Variants in SLC6A3 observed in about 807,000 individuals in gnomAD.
SLC6A3 encodes the protein solute carrier family 6 member 3.
A neutral mutation model predicts 70.4 loss-of-function variants in SLC6A3; 19 were observed. The ratio of observed to expected loss-of-function variants is 0.27; its 90% CI spans 0.19 to 0.40. SLC6A3 has a LOEUF of 0.40. Ranked by LOEUF, SLC6A3 falls within the 10% of genes least tolerant of loss-of-function variation. SLC6A3 has a pLI of 1.00. For missense variants in SLC6A3, 613 were observed against 838.5 expected, an observed-to-expected ratio of 0.73 and a Z score of 3.32; for synonymous variants, 368 against 356.6, an observed-to-expected ratio of 1.03 and a Z score of -0.36.
chr5:1,441,548 T>C, intron 2 of SLC6A3, 58 bp from the exon 3 acceptor site: 2 of 1,589,918 alleles, frequency 1.3e-6, no homozygotes, highest in South Asian at 2.2e-5. Context: ...TCTCTCCTCG[T>C]GGGAGCTTGG....
At chr5:1,417,045 T>G (rs1420754008) in intron 6 of SLC6A3, among the ~76,000 whole-genome samples, 2 of 149,770 alleles carry the variant, frequency 1.3e-5, no homozygotes, top group Non-Finnish European at 3.0e-5. Flanking sequence ...TAGCGGGGTC[T>G]CCATCCTCCC....
At chr5:1,445,183 G>A (rs1733771602) in intron 1 of SLC6A3, among the ~76,000 whole-genome samples, 165 bp downstream of exon 1, 1 of 152,172 alleles carries the variant, frequency 6.6e-6, no homozygotes, top group Non-Finnish European at 1.5e-5. Flanking sequence ...GCGCTATCGG[G>A]GGGCGCTCGG....
At chr5:1,426,251 A>G (rs1756573055) in intron 4 of SLC6A3, among the ~76,000 whole-genome samples, 1 of 152,216 alleles carries the variant, frequency 6.6e-6, no homozygotes, top group South Asian at 2.1e-4. Flanking sequence ...AAAGATAAAT[A>G]GATCTGGCCA....
At chr5:1,423,030 A>T (rs147287979) in intron 4 of SLC6A3, among the ~76,000 whole-genome samples, 1 of 36,858 alleles carries the variant, frequency 2.7e-5, no homozygotes. Flanking sequence ...GGTGCTGGGT[A>T]CCCACCACTG....
At chr5:1,412,712 T>TC (rs11564761) in intron 8 of SLC6A3, among the ~76,000 whole-genome samples, 5,929 of 152,204 alleles carry the variant, frequency 0.039, 183 homozygotes, top group Non-Finnish European at 0.06. Flanking sequence ...TGCAACAGAG[T>TC]CCCCTGTCCT....
In SLC6A3 at chr5:1,423,031, C is replaced by A. The variant is rs866974733; in HGVS notation, c.654-1017G>T. 2.1e-4 allele frequency among the ~76,000 whole-genome samples: 17 copies of A among 79,672 alleles called. 5 individuals are homozygous for A. Among genetic ancestry groups the A allele is most frequent in the Middle Eastern group, 0.019 (2 of 106 alleles). 52.3% of individuals were successfully genotyped at this position (79,672 alleles called of 152,430 possible). On this transcript the variant is annotated intron_variant, in intron 4 of 14. Transcript: ENST00000270349. ...CCAGTGCTGCCCAAGGTGCTGGGTA[C>A]CCACCACTGCCCACAGTACTGCCCA... is the stretch of plus-strand genomic sequence containing the variant.
chr5:1,414,595 T>C (rs1330905899), intron 8 of SLC6A3, 96 bp downstream of exon 8: 3 of 1,431,500 alleles, frequency 2.1e-6, no homozygotes, highest in African/African-American at 2.9e-5. Flanking sequence ...TCAGGGCCCA[T>C]GCGTCTCCTT....
Position 1,397,522 on chromosome 5 carries a change from T to C in SLC6A3, c.1840-2764A>G, listed in dbSNP as rs1404621968. ...CCGAGACACCGAAAGCAGAAGAAAC[T>C]CGGCCGAGTGCAGGGGTGAGGACAG... On this transcript the variant is annotated intron_variant, in intron 14 of 14. Transcript: ENST00000270349. This position sits in a 1 kb window ranked among gnomAD's most constrained non-coding sequence, Gnocchi z 4.7. Among the ~76,000 whole-genome samples the C allele has an allele frequency of 1.3e-5, 2 of 151,598 alleles. No individual in the cohort carries two copies. Among genetic ancestry groups the C allele is most frequent in the Admixed American group, 1.3e-4 (2 of 15,248 alleles).
intron 3 of SLC6A3, among the ~76,000 whole-genome samples, chr5:1,433,731 AT>A (rs1579723545): frequency 6.6e-6 from 1 of 151,734 alleles, no homozygotes; most frequent in African/African-American, 2.4e-5. Context: ...ATCCATAGCC[AT>A]CCACAACCAT....
intron 4 of SLC6A3, among the ~76,000 whole-genome samples, chr5:1,432,003 C>T (rs1756717264): frequency 6.6e-6 from 1 of 152,208 alleles, no homozygotes; most frequent in Non-Finnish European, 1.5e-5. Context: ...AGAAAGTTAT[C>T]TTTTCTGGAG....
At chr5:1,403,433 C>T (rs1326705834) in intron 12 of SLC6A3, among the ~76,000 whole-genome samples, 1 of 143,468 alleles carries the variant, frequency 7.0e-6, no homozygotes, top group East Asian at 2.1e-4. Context: ...CCCTCCCATC[C>T]CATCCTGTTC....
chr5:1,425,484 C>T (rs1393555967), intron 4 of SLC6A3, among the ~76,000 whole-genome samples: 2 of 152,018 alleles, frequency 1.3e-5, no homozygotes, highest in East Asian at 3.9e-4. Context: ...TGATCTACAA[C>T]CAGAGGAAAA....
At chr5:1,428,611 A>C (rs1215052136) in intron 4 of SLC6A3, among the ~76,000 whole-genome samples, 1 of 152,204 alleles carries the variant, frequency 6.6e-6, no homozygotes, top group African/African-American at 2.4e-5. Context: ...GCTGCTGCCC[A>C]AGAAGGAAGT....
Position 1,394,034 on chromosome 5 carries a change from A to AAG in SLC6A3, c.*700_*701insCT, listed in dbSNP as rs1755650779. 3 of 156,116 alleles carry AAG rather than the reference A, an allele frequency of 1.9e-5. No homozygotes were observed. Among genetic ancestry groups the AAG allele is most frequent in the African/African-American group, 7.2e-5 (3 of 41,498 alleles). The allele number at this position is 156,116 out of a possible 1,614,324, so 9.7% of individuals were successfully genotyped here. On this transcript the variant is annotated 3_prime_UTR_variant, in exon 15 of 15. Coordinates refer to ENST00000270349, the MANE Select transcript of SLC6A3 (RefSeq NM_001044.5). The surrounding 1 kb of genome is among the most constrained non-coding windows in gnomAD (Gnocchi z 4.7). ...AGGACCCACAGGCTGCCTGAGTGGC[A>AAG]GTAGCCTGAGCTGGTTTCAAGGAGT...
rs28363174 is a variant in SLC6A3, at chr5:1,392,923, G to A, written c.*1812C>T. On this transcript the variant is annotated 3_prime_UTR_variant, in exon 15 of 15. Transcript: ENST00000270349. Reference sequence around the variant, plus strand: ...CTCCCCAGAAGGCGATGGGGAAGCCGCTCTCTGTGCTGACTGCAGCAGCCA... The same window carrying A: ...CTCCCCAGAAGGCGATGGGGAAGCCACTCTCTGTGCTGACTGCAGCAGCCA... 2,503 of 150,940 alleles carry A rather than the reference G, an allele frequency of 0.017. 45 individuals carry two copies. The highest frequency in any genetic ancestry group is 0.024 in the Non-Finnish European group (1,617 of 68,030). 9.4% of individuals were successfully genotyped at this position (150,940 alleles called of 1,614,324 possible).
At chr5:1,443,850 G>GTTT (rs369517884) in intron 1 of SLC6A3, among the ~76,000 whole-genome samples, 3 of 149,332 alleles carry the variant, frequency 2.0e-5, no homozygotes, top group South Asian at 2.1e-4. Context: ...TTTTGTGTGT[G>GTTT]TTTTTTTGTT....
intron 10 of SLC6A3, 100 bp downstream of exon 10, chr5:1,409,621 G>T: frequency 1.4e-6 from 2 of 1,412,128 alleles, no homozygotes; most frequent in Non-Finnish European, 2.0e-6. Flanking sequence ...CCCTGGAAGT[G>T]CTGCGGTTCT....
chr5:1,398,559 A>G (rs1755774570), intron 14 of SLC6A3, among the ~76,000 whole-genome samples: 1 of 152,210 alleles, frequency 6.6e-6, no homozygotes, highest in Admixed American at 6.5e-5. Flanking sequence ...ACAAATGTAA[A>G]TGGATTAACC....
At position 1,436,955 on chromosome 5, in the gene SLC6A3, A is replaced by G. The variant is rs548881195; in HGVS notation, c.419-4257T>C. Among the ~76,000 whole-genome samples the G allele has an allele frequency of 1.6e-3, 245 of 152,324 alleles. No homozygotes were observed. The highest frequency in any genetic ancestry group is 2.9e-3 in the Non-Finnish European group (197 of 68,026). On this transcript the variant is annotated intron_variant, in intron 3 of 14. Transcript: ENST00000270349. The surrounding 1 kb of genome is among the most constrained non-coding windows in gnomAD (Gnocchi z 5.2). Reference sequence around the variant, plus strand: ...AGGAGGCATCAAGCAGGTCTTTGGAAGAAAGACGGGAGAGGGCCGGGCACG... The same window carrying G: ...AGGAGGCATCAAGCAGGTCTTTGGAGGAAAGACGGGAGAGGGCCGGGCACG...
Sources: allele counts gnomAD v4.1 joint callset (sites outside exome capture counted in the v4.1 genomes callset), GRCh38; gene constraint gnomAD v4.1.1; non-coding constraint Gnocchi (gnomAD v3.1); transcripts MANE v1.5; gene names NCBI Gene and HGNC (gene_info 2026-07-23, HGNC 2026-07-21).